Variants in NRP1 observed in about 807,000 individuals in gnomAD.
The protein encoded by NRP1 is neuropilin 1.
A neutral mutation model predicts 106.7 loss-of-function variants in NRP1; 35 were observed. The observed-to-expected ratio is 0.33, with a 90% CI of 0.25 to 0.43. The LOEUF (loss-of-function observed/expected upper bound fraction) is 0.43, where lower values mean the gene tolerates loss of function less well. NRP1 is among the 20% of genes least tolerant of loss of function. NRP1 has a pLI of 1.00. For synonymous variants in NRP1, 437 were observed against 417.9 expected (o/e 1.05, Z -0.56); for missense variants, 1,024 against 1,170.4 (o/e 0.87, Z 1.83).
intron 15 of NRP1, among the ~76,000 whole-genome samples, chr10:33,185,134 A>G (rs1456679441): frequency 1.3e-5 from 2 of 152,356 alleles, no homozygotes; most frequent in East Asian, 3.9e-4. Flanking sequence ...AAGTCATTTC[A>G]GATATTTTAA....
intron 6 of NRP1, among the ~76,000 whole-genome samples, chr10:33,232,121 C>T (rs1277174946): frequency 6.6e-6 from 1 of 152,108 alleles, no homozygotes; most frequent in East Asian, 1.9e-4. Flanking sequence ...ACGTCACATG[C>T]TAATAGGCAA....
intron 13 of NRP1, among the ~76,000 whole-genome samples, chr10:33,187,507 GC>G (rs1343460437): frequency 6.6e-6 from 1 of 152,164 alleles, no homozygotes; most frequent in Non-Finnish European, 1.5e-5. Flanking sequence ...TCAAGGAGAG[GC>G]AAGGTTGCCT....
Position 33,247,492 on chromosome 10 carries a change from G to A in NRP1, c.981+6536C>T, listed in dbSNP as rs186783954. Among the ~76,000 whole-genome samples the A allele has an allele frequency of 1.1e-3, 168 of 152,334 alleles. 1 individual carries two copies. The highest frequency in any genetic ancestry group is 3.8e-3 in the African/African-American group (160 of 41,582). On this transcript the variant is annotated intron_variant, in intron 6 of 16. Coordinates refer to ENST00000374867, the MANE Select transcript of NRP1 (RefSeq NM_003873.7). ...TGGGATGTTGGTGAAGTGTATGGAT[G>A]GGAAACCTTGGAGGACTGAAGGAAG...
chr10:33,321,506 T>C (rs1463570691), intron 2 of NRP1, among the ~76,000 whole-genome samples: 1 of 152,214 alleles, frequency 6.6e-6, no homozygotes. Flanking sequence ...TCCTCCAGGT[T>C]TGTAGAGACT....
intron 7 of NRP1, among the ~76,000 whole-genome samples, chr10:33,224,086 A>G (rs1261704087): frequency 1.3e-5 from 2 of 152,186 alleles, no homozygotes; most frequent in Admixed American, 1.3e-4. Flanking sequence ...CCCCTAAAGT[A>G]CAGAGAAAGG....
chr10:33,185,499 T>C (rs1435965699), intron 15 of NRP1, 129 bp downstream of exon 15: 2 of 660,254 alleles, frequency 3.0e-6, no homozygotes, highest in African/African-American at 1.8e-5. Context: ...AGAATACGCA[T>C]TTCCTATGAT....
Position 33,180,151 on chromosome 10 carries a change from A to G in NRP1, c.2697T>C (p.Tyr899=). ...TCACACCATCCACAAGTTCAAAGTTATAGTTCTCCAGGGCAGACAAGTTTC... is the reference window on the plus strand; with the variant it reads ...TCACACCATCCACAAGTTCAAAGTTGTAGTTCTCCAGGGCAGACAAGTTTC... ...SERNLSALEN[Y]NFELVDGVKL... Residue 899 remains tyrosine (Y), a synonymous_variant, in exon 17 of 17, where the codon TAT becomes TAC. Coordinates refer to ENST00000374867, the MANE Select transcript of NRP1 (RefSeq NM_003873.7). 6.2e-7 allele frequency: 1 copy of G among 1,614,172 alleles called. No individual in the cohort carries two copies. The highest frequency in any genetic ancestry group is 8.5e-7 in the Non-Finnish European group (1 of 1,180,030).
chr10:33,295,393 TGAAGAACTTTCCATTA>T (rs1845315198), intron 2 of NRP1, among the ~76,000 whole-genome samples: 1 of 152,162 alleles, frequency 6.6e-6, no homozygotes, highest in Non-Finnish European at 1.5e-5. Context: ...AAATAGGCAG[TGAAGAACTTTCCATTA>T]GAAGATTTTC....
rs574331098 is a variant in NRP1 at position 33,194,148 on chromosome 10, T to C, written c.1925-1730A>G. ...TTTACCACTCTTTTCCGCAGCAAGA[T>C]TGAATTATGTAGATGAAGTACAGTC... On this transcript the variant is annotated intron_variant, in intron 12 of 16. Transcript: ENST00000374867. Among the ~76,000 whole-genome samples the C allele has an allele frequency of 2.7e-4, 41 of 152,262 alleles. 1 individual carries two copies. The South Asian group carries it at 7.9e-3, about 29-fold the overall frequency.
intron 13 of NRP1, among the ~76,000 whole-genome samples, chr10:33,187,577 G>T (rs1483394426): frequency 6.6e-6 from 1 of 152,128 alleles, no homozygotes; most frequent in Non-Finnish European, 1.5e-5. Context: ...GAACTGCGAG[G>T]ACTTTCTCTT....
chr10:33,275,364 C>T (rs527237341), intron 2 of NRP1, among the ~76,000 whole-genome samples: 22 of 152,136 alleles, frequency 1.4e-4, no homozygotes, highest in Admixed American at 7.9e-4. Context: ...GTCAGGAGAT[C>T]GAGACCATCC....
intron 2 of NRP1, among the ~76,000 whole-genome samples, chr10:33,276,162 G>A (rs538444294): frequency 3.7e-4 from 57 of 152,230 alleles, no homozygotes; most frequent in African/African-American, 1.3e-3. Flanking sequence ...CAATGGACAA[G>A]TAGTCCTTTA....
At chr10:33,222,122 A>G (rs1839295164) in intron 7 of NRP1, among the ~76,000 whole-genome samples, 1 of 152,224 alleles carries the variant, frequency 6.6e-6, no homozygotes, top group Non-Finnish European at 1.5e-5. Context: ...GATAATATTG[A>G]TTAAAGAACG....
chr10:33,299,505 G>A (rs142568239), intron 2 of NRP1, among the ~76,000 whole-genome samples: 198 of 152,304 alleles, frequency 1.3e-3, no homozygotes, highest in African/African-American at 4.0e-3. Context: ...GTGACAGGGC[G>A]TGGTGGCTCA....
intron 2 of NRP1, among the ~76,000 whole-genome samples, chr10:33,282,444 G>A (rs1285297414): frequency 2.0e-5 from 3 of 152,206 alleles, no homozygotes; most frequent in South Asian, 2.1e-4. Flanking sequence ...AAATCCTCCT[G>A]ATTAATTAGT....
chr10:33,285,696 T>G (rs1844476740), intron 2 of NRP1, among the ~76,000 whole-genome samples: 2 of 151,986 alleles, frequency 1.3e-5, no homozygotes, highest in South Asian at 4.1e-4. Flanking sequence ...GCCATGGTGG[T>G]GCATGCCTGA....
At position 33,243,110 on chromosome 10, in the gene NRP1, C is replaced by T. The variant is rs993102425; in HGVS notation, c.981+10918G>A. Among the ~76,000 whole-genome samples the T allele has an allele frequency of 2.2e-4, 34 of 152,212 alleles. No homozygotes were observed. The Middle Eastern group carries it at 0.02, about 91-fold the overall frequency. ...TCATCTTATCTCCCCCTGTGGGCTG[C>T]ACTTTCTTACAAGATAGCACAAAAG... On this transcript the variant is annotated intron_variant, in intron 6 of 16. Transcript: ENST00000374867.
intron 8 of NRP1, among the ~76,000 whole-genome samples, chr10:33,217,616 T>C (rs956091018): frequency 6.6e-6 from 1 of 152,194 alleles, no homozygotes; most frequent in African/African-American, 2.4e-5. Context: ...AGAAACAAGA[T>C]GCCCAGTGAA....
At chr10:33,301,040 G>A (rs1373590771) in intron 2 of NRP1, among the ~76,000 whole-genome samples, 1 of 152,174 alleles carries the variant, frequency 6.6e-6, no homozygotes, top group Non-Finnish European at 1.5e-5. Flanking sequence ...CCATGGGGTT[G>A]CTGCCCCATT....
Sources: gnomAD v4.1 joint callset for allele counts (sites outside exome capture counted in the v4.1 genomes callset) on GRCh38, gnomAD v4.1.1 for gene constraint, MANE v1.5 for transcripts, NCBI Gene and HGNC (gene_info 2026-07-23, HGNC 2026-07-21) for gene names.